TMEM131: variants seen among roughly 807,000 people sequenced by gnomAD.
TMEM131 encodes transmembrane protein 131.
A neutral mutation model predicts 211.6 loss-of-function variants in TMEM131; 66 were observed. The ratio of observed to expected loss-of-function variants is 0.31; its 90% CI spans 0.26 to 0.38. The LOEUF (loss-of-function observed/expected upper bound fraction) is 0.38, where lower values mean the gene tolerates loss of function less well. Ranked by LOEUF, TMEM131 falls within the 10% of genes least tolerant of loss-of-function variation. The probability of loss-of-function intolerance (pLI) is 1.00; values close to 1 mark genes in which losing one functional copy is unlikely to be tolerated. For synonymous variants in TMEM131, 844 were observed against 841.3 expected, an observed-to-expected ratio of 1.00 and a Z score of -0.06; for missense variants, 2,036 against 2,299.3, an observed-to-expected ratio of 0.89 and a Z score of 2.34.
intron 11 of TMEM131, chr2:97,827,104 A>C: frequency 2.1e-6 from 1 of 466,182 alleles, no homozygotes; most frequent in East Asian, 4.2e-5. Flanking sequence ...TTAAAATCCC[A>C]AACTTACAAG....
At chr2:97,831,158 T>A (rs923717383) in intron 11 of TMEM131, among the ~76,000 whole-genome samples, 8 of 152,244 alleles carry the variant, frequency 5.3e-5, no homozygotes, top group African/African-American at 1.9e-4. Flanking sequence ...CTCCTTTGCT[T>A]TCTGCCCTTC....
chr2:97,809,333 G>T (rs781707485), intron 19 of TMEM131, among the ~76,000 whole-genome samples: 2 of 152,050 alleles, frequency 1.3e-5, no homozygotes, highest in African/African-American at 4.8e-5. Flanking sequence ...CTAGATTCAC[G>T]TCTCTGCCAC....
intron 12 of TMEM131, among the ~76,000 whole-genome samples, chr2:97,818,390 C>G (rs1681934988): frequency 7.5e-6 from 1 of 133,318 alleles, no homozygotes; most frequent in African/African-American, 2.9e-5. Context: ...ATTGCTAATA[C>G]TGATTTAGCT....
Position 97,922,570 on chromosome 2 carries a change from A to G in TMEM131, c.249+4856T>C, listed in dbSNP as rs74509428. 3.3e-5 allele frequency among the ~76,000 whole-genome samples: 5 copies of G among 152,328 alleles called. No homozygotes were observed. In the East Asian group the frequency reaches 9.6e-4, roughly 29 times the overall value. On this transcript the variant is annotated intron_variant, in intron 2 of 40. Coordinates refer to ENST00000186436, the MANE Select transcript of TMEM131 (RefSeq NM_015348.2). ...AAGTAACTACAGTTACACTCAACACATAATGCTGTGAATCTTAGAAACATA... is the reference window on the plus strand; with the variant it reads ...AAGTAACTACAGTTACACTCAACACGTAATGCTGTGAATCTTAGAAACATA...
chr2:97,800,482 G>A (rs1418659340), intron 25 of TMEM131, among the ~76,000 whole-genome samples: 2 of 152,020 alleles, frequency 1.3e-5, no homozygotes, highest in Non-Finnish European at 2.9e-5. Context: ...GGGCACTGTG[G>A]CTCACGCCTG....
At chr2:97,817,118 G>A (rs775643167) in intron 12 of TMEM131, among the ~76,000 whole-genome samples, 5 of 152,208 alleles carry the variant, frequency 3.3e-5, no homozygotes, top group East Asian at 3.9e-4. Flanking sequence ...TAGAGCCTAC[G>A]ATCTCAGAAG....
intron 17 of TMEM131, 73 bp from the exon 18 acceptor site, chr2:97,811,305 G>C (rs1648673934): frequency 1.1e-5 from 12 of 1,110,092 alleles, no homozygotes; most frequent in Non-Finnish European, 1.6e-5. Flanking sequence ...GACATGAAGG[G>C]TGTAGCGATA....
chr2:97,759,279 T>C, intron 39 of TMEM131: 2 of 582,892 alleles, frequency 3.4e-6, no homozygotes, highest in Non-Finnish European at 6.1e-6. Context: ...AAATGCAAAC[T>C]TTCCCCACTC....
Position 97,756,911 on chromosome 2 carries a change from T to C in TMEM131, c.*188A>G, listed in dbSNP as rs1037256217. On this transcript the variant is annotated 3_prime_UTR_variant, in exon 41 of 41. Transcript: ENST00000186436. Reference sequence around the variant, plus strand: ...TCTAAAAGCACAACAGCAAATCTCATGTTATCATAATTGCAAGAAAGATCT... The same window carrying C: ...TCTAAAAGCACAACAGCAAATCTCACGTTATCATAATTGCAAGAAAGATCT... The C allele has an allele frequency of 1.9e-4, 119 of 615,710 alleles. No homozygotes were observed. The highest frequency in any genetic ancestry group is 1.9e-3 in the African/African-American group (104 of 53,918). The allele number at this position is 615,710 out of a possible 1,614,324, so 38.1% of individuals were successfully genotyped here.
At chr2:97,905,365 T>A (rs1274988834) in intron 3 of TMEM131, among the ~76,000 whole-genome samples, 1 of 152,158 alleles carries the variant, frequency 6.6e-6, no homozygotes. Flanking sequence ...CCTGGCTGTT[T>A]CTCTATTTAT....
chr2:97,837,762 T>C (rs528972596), intron 7 of TMEM131, among the ~76,000 whole-genome samples: 1 of 152,312 alleles, frequency 6.6e-6, no homozygotes, highest in East Asian at 1.9e-4. Flanking sequence ...ATATTTAAAG[T>C]ATACAACCTG....
Position 97,805,074 on chromosome 2 carries a change from C to T in TMEM131, c.2402+14G>A. 1.3e-6 allele frequency: 2 copies of T among 1,551,816 alleles called. No homozygotes were observed. Among genetic ancestry groups the T allele is most frequent in the Non-Finnish European group, 1.8e-6 (2 of 1,138,726 alleles). On this transcript the variant is annotated intron_variant, in intron 22 of 40. Transcript: ENST00000186436. ...TGTAAAGATGGCTAAAATAAATAAA[C>T]ATAAACCACTCACCTATGACCTGAA...
Position 97,779,066 on chromosome 2 carries a change from G to A in TMEM131, c.4145-3048C>T, listed in dbSNP as rs1056203467. Among the ~76,000 whole-genome samples the A allele has an allele frequency of 3.3e-5, 5 of 152,294 alleles. No individual in the cohort carries two copies. In the South Asian group the frequency reaches 1.0e-3, roughly 32 times the overall value. ...AAAGAAAATACTGCAGTCTGGGCCC[G>A]ACCCCTCAGGGTCTAGGCCCCACCC... On this transcript the variant is annotated intron_variant, in intron 31 of 40. Coordinates refer to ENST00000186436, the MANE Select transcript of TMEM131 (RefSeq NM_015348.2).
intron 3 of TMEM131, among the ~76,000 whole-genome samples, chr2:97,905,175 G>A (rs905320032): frequency 1.3e-5 from 2 of 151,950 alleles, no homozygotes; most frequent in African/African-American, 4.8e-5. Context: ...TCTCAGTTTT[G>A]TCTGAAAATG....
In TMEM131 at chr2:97,812,559, T is replaced by TA. The variant is rs762097205; in HGVS notation, c.1729-5dup. 7 of 1,595,566 alleles carry TA rather than the reference T, an allele frequency of 4.4e-6. No individual in the cohort carries two copies. The highest frequency in any genetic ancestry group is 1.1e-5 in the South Asian group (1 of 87,046). ...TATGCCAACTTTTTATAGCCAACTT[T>TA]AAAAAAAGATATGAAAATGATTATC... On this transcript the variant is annotated splice_polypyrimidine_tract_variant and splice_region_variant and intron_variant, in intron 16 of 40. Coordinates refer to ENST00000186436, the MANE Select transcript of TMEM131 (RefSeq NM_015348.2).
chr2:97,775,712 C>T (rs1362174584), intron 32 of TMEM131, 131 bp downstream of exon 32: 1 of 1,024,942 alleles, frequency 9.8e-7, no homozygotes, highest in Non-Finnish European at 1.4e-6. Flanking sequence ...AACCATTCCT[C>T]AGTAGGTGCT....
Position 97,814,037 on chromosome 2 carries a change from G to A in TMEM131, c.1551C>T (p.Asn517=). 2 of 1,601,440 alleles carry A rather than the reference G, an allele frequency of 1.2e-6. No homozygotes were observed. Among genetic ancestry groups the A allele is most frequent in the Non-Finnish European group, 8.5e-7 (1 of 1,172,976 alleles). Residue 517 remains asparagine, a synonymous_variant, in exon 15 of 41, where the codon AAC becomes AAT. Transcript: ENST00000186436. ...PSTSSMHIDN[N]ILLITNASKF... is the part of the protein sequence containing the mutation. ...TAGAAGCATTGGTAATAAGTAAAAT[G>A]TTGTTATCAATGTGCATGGATGATG...
chr2:97,771,281 C>T (rs1679450673), intron 33 of TMEM131, among the ~76,000 whole-genome samples: 1 of 152,164 alleles, frequency 6.6e-6, no homozygotes, highest in East Asian at 1.9e-4. Context: ...AATTCAGGGA[C>T]AAGGTTAAAT....
chr2:97,904,492 A>G (rs1432708410), intron 3 of TMEM131, among the ~76,000 whole-genome samples: 1 of 152,198 alleles, frequency 6.6e-6, no homozygotes, highest in Non-Finnish European at 1.5e-5. Flanking sequence ...CTATTTTTCC[A>G]TCTTTTCTCT....
Sources: gnomAD v4.1 joint callset for allele counts (sites outside exome capture counted in the v4.1 genomes callset) on GRCh38, gnomAD v4.1.1 for gene constraint, MANE v1.5 for transcripts, NCBI Gene and HGNC (gene_info 2026-07-23, HGNC 2026-07-21) for gene names.